WNT7B: variants seen among roughly 807,000 people sequenced by gnomAD.
WNT7B encodes protein Wnt-7b.
WNT7B carries 19 observed loss-of-function variants against 38.2 expected under a neutral mutation model. That is an observed-to-expected ratio of 0.50 (90% CI 0.35 to 0.73). The LOEUF (loss-of-function observed/expected upper bound fraction) is 0.73, where lower values mean the gene tolerates loss of function less well. WNT7B is among the 30% of genes least tolerant of loss of function. The pLI is 0.01. For missense variants in WNT7B, 423 were observed against 507.9 expected, an observed-to-expected ratio of 0.83 and a Z score of 1.61; for synonymous variants, 243 against 209.3, an observed-to-expected ratio of 1.16 and a Z score of -1.39.
At chr22:45,948,468 C>T (rs1230038758) in intron 2 of WNT7B, among the ~76,000 whole-genome samples, 2 of 152,386 alleles carry the variant, frequency 1.3e-5, no homozygotes, top group East Asian at 3.9e-4. Context: ...GCGTTCCAAG[C>T]CCTGCAGAAC....
At chr22:45,936,191 G>A (rs1032275483) in intron 2 of WNT7B, 28 of 984,362 alleles carry the variant, frequency 2.8e-5, no homozygotes, top group Middle Eastern at 1.0e-3. Flanking sequence ...CTGGTGCCTC[G>A]GCAAGTTACC....
intron 3 of WNT7B, among the ~76,000 whole-genome samples, chr22:45,923,889 G>A (rs1002117101): frequency 2.0e-5 from 3 of 152,206 alleles, no homozygotes; most frequent in Non-Finnish European, 2.9e-5. Context: ...AGGGGAGCAG[G>A]GGAGGCGAGT....
chr22:45,968,521 G>A (rs1206385483), intron 1 of WNT7B, among the ~76,000 whole-genome samples: 1 of 152,198 alleles, frequency 6.6e-6, no homozygotes, highest in East Asian at 1.9e-4. Flanking sequence ...ATGCCCTTTG[G>A]CCTCACGGGA....
At chr22:45,939,088 A>C (rs1931580452) in intron 2 of WNT7B, among the ~76,000 whole-genome samples, 3 of 152,338 alleles carry the variant, frequency 2.0e-5, no homozygotes, top group Non-Finnish European at 4.4e-5. Flanking sequence ...AATAAAAGGC[A>C]AAAAAGACTG....
intron 2 of WNT7B, among the ~76,000 whole-genome samples, chr22:45,941,196 T>C (rs1306053362): frequency 6.6e-6 from 1 of 151,702 alleles, no homozygotes; most frequent in African/African-American, 2.4e-5. Context: ...GTGGATCGGG[T>C]GAGGGGGTTT....
chr22:45,953,992 C>T (rs528755454), intron 1 of WNT7B, among the ~76,000 whole-genome samples: 38 of 152,252 alleles, frequency 2.5e-4, no homozygotes, highest in African/African-American at 8.2e-4. Context: ...AATAGCCAAA[C>T]GCTGGAAACA....
chr22:45,951,813 T>C lies in WNT7B; in HGVS notation c.72-1667A>G, dbSNP rs1018580618. On this transcript the variant is annotated intron_variant, in intron 1 of 3. Coordinates refer to ENST00000339464, the MANE Select transcript of WNT7B (RefSeq NM_058238.3). The surrounding 1 kb of genome is among the most constrained non-coding windows in gnomAD (Gnocchi z 4.8). ...TGGGCATTTCGGCTGCTTCCACCTT[T>C]GGACTACTGTGAGTGATGCCGCCAT... Among the ~76,000 whole-genome samples, 1 of 152,232 alleles carries C rather than the reference T, an allele frequency of 6.6e-6. No homozygotes were observed. Among genetic ancestry groups the C allele is most frequent in the Non-Finnish European group, 1.5e-5 (1 of 68,042 alleles).
intron 1 of WNT7B, among the ~76,000 whole-genome samples, chr22:45,969,060 G>A (rs943678143): frequency 6.6e-6 from 1 of 152,226 alleles, no homozygotes; most frequent in Non-Finnish European, 1.5e-5. Flanking sequence ...CACGGGCCAT[G>A]GTGCCATGGG....
intron 1 of WNT7B, among the ~76,000 whole-genome samples, chr22:45,963,928 C>A (rs551857471): frequency 6.6e-6 from 1 of 152,000 alleles, no homozygotes; most frequent in Admixed American, 6.5e-5. Flanking sequence ...CACAATGGGG[C>A]GCCAGGTGAC....
intron 3 of WNT7B, among the ~76,000 whole-genome samples, chr22:45,929,695 C>T (rs77529711): frequency 0.11 from 15,936 of 139,636 alleles, 1,056 homozygotes; most frequent in African/African-American, 0.17. Context: ...CTTCCATCCA[C>T]CCATCTTTCC....
intron 2 of WNT7B, among the ~76,000 whole-genome samples, chr22:45,948,827 CTTTTTT>C (rs749735538): frequency 0.026 from 2,357 of 90,268 alleles, 84 homozygotes; most frequent in African/African-American, 0.085. Flanking sequence ...CCAAAGATCC[CTTTTTT>C]TTTTTTTTTT....
chr22:45,959,928 G>A (rs964873096), intron 1 of WNT7B, among the ~76,000 whole-genome samples: 1 of 152,170 alleles, frequency 6.6e-6, no homozygotes, highest in Non-Finnish European at 1.5e-5. Context: ...ACCCCCCAGA[G>A]CCACAGGAGC....
intron 1 of WNT7B, among the ~76,000 whole-genome samples, chr22:45,958,175 C>T (rs1284723334): frequency 6.6e-6 from 1 of 152,176 alleles, no homozygotes; most frequent in African/African-American, 2.4e-5. Context: ...ATGCGGAGGC[C>T]AGGAAGGAAC....
chr22:45,937,089 C>A (rs778367785), intron 2 of WNT7B, among the ~76,000 whole-genome samples: 1 of 152,194 alleles, frequency 6.6e-6, no homozygotes, highest in African/African-American at 2.4e-5. Context: ...AGCCAGGAGT[C>A]TGCAGCCTCA....
At chr22:45,930,402 C>G (rs1931302346) in intron 3 of WNT7B, among the ~76,000 whole-genome samples, 1 of 148,272 alleles carries the variant, frequency 6.7e-6, no homozygotes, top group Non-Finnish European at 1.5e-5. Context: ...GGAGCCGGAG[C>G]CGGCTGGGCG....
At chr22:45,952,797 G>A (rs536070342) in intron 1 of WNT7B, among the ~76,000 whole-genome samples, 1 of 152,194 alleles carries the variant, frequency 6.6e-6, no homozygotes, top group Non-Finnish European at 1.5e-5. Context: ...CACCGGCCCT[G>A]CCAGCACCCG....
chr22:45,931,195 T>A lies in WNT7B; in HGVS notation c.473A>T (p.Tyr158Phe). Residue 158 changes from tyrosine (Y) to phenylalanine (F), a missense_variant, in exon 3 of 4, where the codon TAC becomes TTC. Coordinates refer to ENST00000339464, the MANE Select transcript of WNT7B (RefSeq NM_058238.3). ...KWGGCSADVR[Y>F]GIDFSRRFVD... is the part of the protein sequence containing the mutation. ...GAAGCGCCGGGAGAAGTCGATGCCG[T>A]AACGCACGTCGGCCGAGCAGCCGCC... The A allele has an allele frequency of 6.3e-7, 1 of 1,599,560 alleles. No homozygotes were observed. The highest frequency in any genetic ancestry group is 8.5e-7 in the Non-Finnish European group (1 of 1,179,820).
At chr22:45,928,333 C>T (rs1004201895) in intron 3 of WNT7B, among the ~76,000 whole-genome samples, 7 of 152,218 alleles carry the variant, frequency 4.6e-5, no homozygotes, top group Admixed American at 3.9e-4. Flanking sequence ...CCTCCCACTG[C>T]CGTGATGCCA....
intron 3 of WNT7B, among the ~76,000 whole-genome samples, chr22:45,929,897 CATCT>C (rs1196506907): frequency 9.8e-5 from 13 of 132,958 alleles, no homozygotes; most frequent in African/African-American, 1.7e-4. Flanking sequence ...CTCATCCACT[CATCT>C]ATCTACCCAT....
Sources: gnomAD v4.1 joint callset for allele counts (sites outside exome capture counted in the v4.1 genomes callset) on GRCh38, gnomAD v4.1.1 for gene constraint, Gnocchi (gnomAD v3.1) non-coding constraint, MANE v1.5 for transcripts, NCBI Gene and HGNC (gene_info 2026-07-23, HGNC 2026-07-21) for gene names.